Variants in OPA1 observed in about 807,000 individuals in gnomAD.
OPA1 encodes dynamin-like GTPase OPA1, mitochondrial.
Under a neutral mutation model 152.9 loss-of-function variants are expected in OPA1, and 59 were observed. The observed-to-expected ratio is 0.39, with a 90% CI of 0.31 to 0.48. OPA1 has a LOEUF of 0.48. Among genes scored for constraint, OPA1 ranks in the 20% least tolerant of loss-of-function variants. The pLI is 0.96. For synonymous variants in OPA1, 400 were observed against 389.9 expected, an observed-to-expected ratio of 1.03 and a Z score of -0.31; for missense variants, 1,008 against 1,216.8, an observed-to-expected ratio of 0.83 and a Z score of 2.55.
intron 20 of OPA1, 116 bp from the exon 21 acceptor site, chr3:193,648,679 A>T: frequency 1.4e-6 from 1 of 729,300 alleles, no homozygotes; most frequent in Non-Finnish European, 2.5e-6. Context: ...AGTCATGTAT[A>T]ATTAAACCCA....
intron 11 of OPA1, among the ~76,000 whole-genome samples, chr3:193,642,356 G>A (rs190440644): frequency 1.7e-4 from 26 of 152,284 alleles, no homozygotes; most frequent in Admixed American, 1.6e-3. Context: ...TCTCTATAGA[G>A]GTTGAATGAA....
At chr3:193,660,837 C>G (rs886896196) in intron 25 of OPA1, among the ~76,000 whole-genome samples, 2 of 151,958 alleles carry the variant, frequency 1.3e-5, no homozygotes, top group African/African-American at 2.4e-5. Flanking sequence ...ACAGATGGGC[C>G]GAGAGAAGGA....
chr3:193,676,979 CAAAAAAAAAAAAAAAA>C (rs151218523), intron 29 of OPA1, among the ~76,000 whole-genome samples: 3 of 70,834 alleles, frequency 4.2e-5, no homozygotes, highest in African/African-American at 1.7e-4. Flanking sequence ...AGACTCGTCT[CAAAAAAAAAAAAAAAA>C]AAAAAAAAAG....
At chr3:193,643,492 G>A in intron 14 of OPA1, 36 bp from the exon 15 acceptor site, 3 of 1,605,506 alleles carry the variant, frequency 1.9e-6, no homozygotes, top group Admixed American at 1.7e-5. Flanking sequence ...ATTGTGTGAA[G>A]CATTTATAAT....
chr3:193,649,983 G>A (rs1711993732), intron 21 of OPA1, among the ~76,000 whole-genome samples: 1 of 152,108 alleles, frequency 6.6e-6, no homozygotes, highest in Admixed American at 6.6e-5. Flanking sequence ...GATTGTATGA[G>A]GGCATTTAAT....
chr3:193,629,808 T>C (rs1055089610), intron 7 of OPA1, among the ~76,000 whole-genome samples: 2 of 152,242 alleles, frequency 1.3e-5, no homozygotes, highest in Non-Finnish European at 2.9e-5. Context: ...TTTTGTTTAA[T>C]TGTATTAGTT....
intron 29 of OPA1, among the ~76,000 whole-genome samples, chr3:193,682,498 A>C (rs1720311912): frequency 6.6e-6 from 1 of 152,212 alleles, no homozygotes. Flanking sequence ...CTAGTAATTT[A>C]ATAGCTAGAG....
intron 20 of OPA1, chr3:193,648,539 A>G: frequency 4.5e-6 from 2 of 442,348 alleles, no homozygotes; most frequent in Admixed American, 7.4e-5. Context: ...TGATGCTTTC[A>G]CATAACGTGA....
At chr3:193,650,250 G>A (rs529082234) in intron 21 of OPA1, among the ~76,000 whole-genome samples, 2 of 152,270 alleles carry the variant, frequency 1.3e-5, no homozygotes, top group African/African-American at 2.4e-5. Context: ...CATTGAAAAG[G>A]CAACGGTCAG....
intron 23 of OPA1, 29 bp downstream of exon 23, chr3:193,657,261 C>A: frequency 6.2e-7 from 1 of 1,609,034 alleles, no homozygotes; most frequent in Non-Finnish European, 8.5e-7. Context: ...GGGGTATCAG[C>A]CTCATATTTT....
chr3:193,666,259 C>G, intron 27 of OPA1, 37 bp from the exon 28 acceptor site: 1 of 1,549,516 alleles, frequency 6.5e-7, no homozygotes, highest in South Asian at 1.1e-5. Flanking sequence ...TTCATTTTAA[C>G]TTTGCATCTG....
At chr3:193,672,660 G>C (rs1041119436) in intron 29 of OPA1, among the ~76,000 whole-genome samples, 45 of 152,284 alleles carry the variant, frequency 3.0e-4, no homozygotes, top group Non-Finnish European at 4.4e-5. Flanking sequence ...CCTGAGGTCA[G>C]GAGTTCGAGA....
At chr3:193,622,226 CTT>C (rs758993120) in intron 6 of OPA1, among the ~76,000 whole-genome samples, 3 of 107,900 alleles carry the variant, frequency 2.8e-5, no homozygotes, top group South Asian at 6.2e-4. Flanking sequence ...TACTCTCATT[CTT>C]TTTTTTTTTT....
Position 193,697,606 on chromosome 3 carries a change from G to A in OPA1, c.*3006G>A, listed in dbSNP as rs968902954. On this transcript the variant is annotated 3_prime_UTR_variant, in exon 31 of 31. Transcript: ENST00000361510. ...GGAAAGAGAAACCTGTATACCTAGG[G>A]TCATTATTTGACCCCATAGTATAAC... 6.6e-6 allele frequency: 1 copy of A among 152,000 alleles called. No individual in the cohort carries two copies. Among genetic ancestry groups the A allele is most frequent in the Non-Finnish European group, 1.5e-5 (1 of 68,014 alleles). The allele number at this position is 152,000 out of a possible 1,614,324, so 9.4% of individuals were successfully genotyped here.
Position 193,657,252 on chromosome 3 carries a change from G to A in OPA1, c.2331+20G>A, listed in dbSNP as rs374530731. The stretch of plus-strand genomic sequence containing the variant: ...AGCTTGGTATGTTGTTTGTATACTG[G>A]GGTATCAGCCTCATATTTTTATATA... On this transcript the variant is annotated intron_variant, in intron 23 of 30. Coordinates refer to ENST00000361510, the MANE Select transcript of OPA1 (RefSeq NM_130837.3). 1.2e-6 allele frequency: 2 copies of A among 1,612,316 alleles called. No homozygotes were observed. The highest frequency in any genetic ancestry group is 4.5e-5 in the East Asian group (2 of 44,814).
intron 22 of OPA1, among the ~76,000 whole-genome samples, chr3:193,655,618 TA>T (rs1713617848): frequency 6.6e-6 from 1 of 152,198 alleles, no homozygotes; most frequent in South Asian, 2.1e-4. Flanking sequence ...TTTTCATCTA[TA>T]AAATGGTGAC....
intron 6 of OPA1, among the ~76,000 whole-genome samples, chr3:193,619,205 TG>T (rs978554176): frequency 6.6e-6 from 1 of 152,188 alleles, no homozygotes; most frequent in Non-Finnish European, 1.5e-5. Flanking sequence ...GTTAAGTGTG[TG>T]GGGGGAGAAA....
At chr3:193,608,721 G>A (rs935949338) in intron 1 of OPA1, among the ~76,000 whole-genome samples, 43 of 152,114 alleles carry the variant, frequency 2.8e-4, no homozygotes, top group African/African-American at 8.9e-4. Flanking sequence ...TATTAGGTCC[G>A]CTTGGTGCAG....
At chr3:193,679,267 A>G (rs144261326) in intron 29 of OPA1, among the ~76,000 whole-genome samples, 1 of 151,216 alleles carries the variant, frequency 6.6e-6, no homozygotes, top group African/African-American at 2.4e-5. Flanking sequence ...AGAAGAAATA[A>G]CGGGGAAAAA....
Sources: allele counts gnomAD v4.1 joint callset (sites outside exome capture counted in the v4.1 genomes callset), GRCh38; gene constraint gnomAD v4.1.1; transcripts MANE v1.5; gene names NCBI Gene and HGNC (gene_info 2026-07-23, HGNC 2026-07-21).